The following MUC5AC variants were observed in gnomAD, a reference collection of about 807,000 sequenced individuals.
The protein encoded by MUC5AC is mucin-5AC.
MUC5AC carries 158 observed loss-of-function variants against 169.7 expected under a neutral mutation model. The ratio of observed to expected loss-of-function variants is 0.93; its 90% CI spans 0.82 to 1.06. The LOEUF is 1.06. Ranked by LOEUF, MUC5AC falls within the 50% of genes least tolerant of loss-of-function variation. MUC5AC has a pLI of 0.00. For synonymous variants in MUC5AC, 1,975 were observed against 1,237.0 expected, an observed-to-expected ratio of 1.60 and a Z score of -12.52; for missense variants, 4,359 against 3,089.9, an observed-to-expected ratio of 1.41 and a Z score of -9.74.
chr11:1,168,968 C>T lies in MUC5AC; in HGVS notation c.1812C>T (p.Ala604=), dbSNP rs76524014. Residue 604 remains alanine, a synonymous_variant, in exon 15 of 49, where the codon GCC becomes GCT. Transcript: ENST00000621226. ...AAFFNTFKTQ[A]ACPNIRNSFE... Reference sequence around the variant, plus strand: ...TCTTCAACACCTTCAAGACCCAGGCCGCCTGCCCCAACATCAGGAACAGCT... The same window carrying T: ...TCTTCAACACCTTCAAGACCCAGGCTGCCTGCCCCAACATCAGGAACAGCT... The T allele has an allele frequency of 4.1e-5, 66 of 1,610,846 alleles. No individual in the cohort carries two copies. The highest frequency in any genetic ancestry group is 1.6e-4 in the Middle Eastern group (1 of 6,074).
At chr11:1,180,199 C>T in intron 27 of MUC5AC, 49 bp downstream of exon 27, 1 of 398,332 alleles carries the variant, frequency 2.5e-6, no homozygotes, top group East Asian at 3.6e-5. Flanking sequence ...CGCCTGTGGC[C>T]TTCTCCTGGC....
intron 38 of MUC5AC, 21 bp downstream of exon 38, chr11:1,196,496 C>T (rs1294014236): frequency 1.3e-6 from 1 of 764,766 alleles, no homozygotes; most frequent in Admixed American, 1.7e-5. Flanking sequence ...TCCCTCCTGG[C>T]CCTGCCATGG....
intron 1 of MUC5AC, among the ~76,000 whole-genome samples, chr11:1,160,081 G>A (rs1215059297): frequency 2.0e-5 from 3 of 152,060 alleles, no homozygotes; most frequent in African/African-American, 4.8e-5. Flanking sequence ...GGGCTGTGCG[G>A]GGCTGGGCCG....
chr11:1,174,314 T>C (rs1860621759), intron 16 of MUC5AC, among the ~76,000 whole-genome samples, 182 bp from the exon 17 acceptor site: 1 of 152,256 alleles, frequency 6.6e-6, no homozygotes, highest in Non-Finnish European at 1.5e-5. Flanking sequence ...TTCTGCTCCA[T>C]GACATGCCAA....
chr11:1,192,119 C>T lies in MUC5AC; in HGVS notation c.13974C>T (p.Ile4658=), dbSNP rs1196128172. ...GGDKETYNNI[I]RSGEKICRRP... ...ACAAGGAAACCTACAACAACATCAT[C>T]AGGAGTGGGGAAAAAATCTGCCGCC... is the stretch of plus-strand genomic sequence containing the variant. Residue 4658 remains isoleucine (I), a synonymous_variant, in exon 31 of 49, where the codon ATC becomes ATT. Coordinates refer to ENST00000621226, the MANE Select transcript of MUC5AC (RefSeq NM_001304359.2). 1.3e-6 allele frequency: 1 copy of T among 765,070 alleles called. No individual in the cohort carries two copies. The highest frequency in any genetic ancestry group is 1.3e-5 in the South Asian group (1 of 74,626). 47.4% of individuals were successfully genotyped at this position (765,070 alleles called of 1,614,324 possible). A position where few individuals can be genotyped will look rare whatever the true frequency, so the allele number is the denominator to read the frequency against.
Position 1,186,104 on chromosome 11 carries a change from C to T in MUC5AC, c.7959C>T (p.Thr2653=), listed in dbSNP as rs1326688134. 1.6e-5 allele frequency: 12 copies of T among 749,060 alleles called. No homozygotes were observed. In the African/African-American group the frequency reaches 1.9e-4, roughly 12 times the overall value. 46.4% of individuals were successfully genotyped at this position (749,060 alleles called of 1,614,324 possible). A position where few individuals can be genotyped will look rare whatever the true frequency, so the allele number is the denominator to read the frequency against. The change falls in exon 31 of 49, where the codon ACC becomes ACT. Residue 2653 remains threonine, a synonymous_variant. Coordinates refer to ENST00000621226, the MANE Select transcript of MUC5AC (RefSeq NM_001304359.2). ...STTSASTTST[T]SGPGTTPSPV... is the part of the protein sequence containing the mutation. ...CCTCTGCTTCTACAACTAGCACAAC[C>T]TCTGGTCCTGGAACTACTCCCAGCC...
chr11:1,162,990 T>A lies in MUC5AC; in HGVS notation c.624T>A (p.Cys208Ter), dbSNP rs1564906118. 1.2e-6 allele frequency: 2 copies of A among 1,612,740 alleles called. No homozygotes were observed. The highest frequency in any genetic ancestry group is 1.7e-6 in the Non-Finnish European group (2 of 1,179,870). Reference protein sequence around the residue: ...ELDTKYANKTCGLCGDFNGMP... With the variant: ...ELDTKYANKT ...ACACCAAATACGCCAACAAGACCTG[T>A]GGGCTCTGTGGGGACTTCAACGGGA... is the stretch of plus-strand genomic sequence containing the variant. The change falls in exon 6 of 49, where the codon TGT (cysteine) becomes TGA (stop). Residue 208 changes from cysteine (C) to a stop codon, truncating the protein, a stop_gained. Transcript: ENST00000621226. LOFTEE classifies it high-confidence loss of function.
chr11:1,164,093 G>T lies in MUC5AC; in HGVS notation c.790-13G>T. 1 of 1,611,594 alleles carries T rather than the reference G, an allele frequency of 6.2e-7. No homozygotes were observed. ...CCACCGAGGACTCAGACGGGCTGTGGCCTTTGTCCTAGGGCATCTGTGAGG... is the reference window on the plus strand; with the variant it reads ...CCACCGAGGACTCAGACGGGCTGTGTCCTTTGTCCTAGGGCATCTGTGAGG... On this transcript the variant is annotated splice_polypyrimidine_tract_variant and intron_variant, in intron 7 of 48. Transcript: ENST00000621226.
At position 1,185,699 on chromosome 11, in the gene MUC5AC, T is replaced by A; in HGVS notation, c.7554T>A (p.Ser2518=). 4 of 744,048 alleles carry A rather than the reference T, an allele frequency of 5.4e-6. No homozygotes were observed. The South Asian group carries it at 5.6e-5, about 10-fold the overall frequency. The allele number at this position is 744,048 out of a possible 1,614,324, so 46.1% of individuals were successfully genotyped here. Residue 2518 remains serine (S), a synonymous_variant, in exon 31 of 49, where the codon TCT becomes TCA. Transcript: ENST00000621226. ...TTSAPTTSTT[S]ASTTSTTSGA... ...CTGCTCCTACAACCAGCACAACCTC[T>A]GCTTCTACAACCAGCACAACCTCTG...
intron 2 of MUC5AC, 106 bp from the exon 3 acceptor site, chr11:1,161,421 G>A (rs1281577227): frequency 1.3e-5 from 12 of 896,898 alleles, no homozygotes; most frequent in East Asian, 2.9e-5. Flanking sequence ...AGTTGGCTTC[G>A]GAGCCAGGAG....
rs1253652309 is a variant in MUC5AC at position 1,189,652 on chromosome 11, C to T, written c.11507C>T (p.Thr3836Ile). Reference protein sequence around the residue: ...SPTTSTTSAPTTSTTSAPTTS... With the variant: ...SPTTSTTSAPITSTTSAPTTS... ...ACAACTAGCACAACCTCAGCTCCTACAACCAGCACAACTTCTGCCCCTACA... is the reference window on the plus strand; with the variant it reads ...ACAACTAGCACAACCTCAGCTCCTATAACCAGCACAACTTCTGCCCCTACA... Residue 3836 changes from threonine (T) to isoleucine (I), a missense_variant, in exon 31 of 49, where the codon ACA becomes ATA. Coordinates refer to ENST00000621226, the MANE Select transcript of MUC5AC (RefSeq NM_001304359.2). 1.3e-5 allele frequency: 8 copies of T among 628,422 alleles called. No individual in the cohort carries two copies. In the African/African-American group the frequency reaches 1.3e-4, roughly 10 times the overall value. The allele number at this position is 628,422 out of a possible 1,614,324, so 38.9% of individuals were successfully genotyped here. A position where few individuals can be genotyped will look rare whatever the true frequency, so the allele number is the denominator to read the frequency against.
At position 1,162,536 on chromosome 11, in the gene MUC5AC, C is replaced by T. The variant is rs944572313; in HGVS notation, c.478C>T (p.Leu160=). The T allele has an allele frequency of 6.2e-7, 1 of 1,612,552 alleles. No individual in the cohort carries two copies. The highest frequency in any genetic ancestry group is 8.5e-7 in the Non-Finnish European group (1 of 1,179,778). The change falls in exon 5 of 49, where the codon CTG becomes TTG. Residue 160 remains leucine (L), a synonymous_variant. Coordinates refer to ENST00000621226, the MANE Select transcript of MUC5AC (RefSeq NM_001304359.2). Reference sequence around the variant, plus strand: ...CAGCCCTGCCTTCCTCCACAGGGTCCTGCTGCCCTTCAGCCAGTCTGGGGT... The same window carrying T: ...CAGCCCTGCCTTCCTCCACAGGGTCTTGCTGCCCTTCAGCCAGTCTGGGGT... The part of the protein sequence containing the change: ...GSVLVNGHPV[L]LPFSQSGVLI...
chr11:1,172,783 C>T (rs1177029014), intron 16 of MUC5AC, among the ~76,000 whole-genome samples: 3 of 151,404 alleles, frequency 2.0e-5, no homozygotes, highest in Non-Finnish European at 1.5e-5. Flanking sequence ...TTCACCCATT[C>T]ACTCACCCAC....
At position 1,190,101 on chromosome 11, in the gene MUC5AC, A is replaced by C. The variant is rs1348029332; in HGVS notation, c.11956A>C (p.Ser3986Arg). The C allele has an allele frequency of 2.6e-6, 2 of 762,068 alleles. No homozygotes were observed. Among genetic ancestry groups the C allele is most frequent in the African/African-American group, 3.4e-5 (2 of 59,024 alleles). The allele number at this position is 762,068 out of a possible 1,614,324, so 47.2% of individuals were successfully genotyped here. The change falls in exon 31 of 49, where the codon AGT (serine) becomes CGT (arginine). Residue 3986 changes from serine to arginine, a missense_variant. By Grantham distance (110) the Ser-to-Arg change is moderately radical. Coordinates refer to ENST00000621226, the MANE Select transcript of MUC5AC (RefSeq NM_001304359.2). ...GGAAACCTACAACAACATCATCAGG[A>C]GTGGGGAAAAAATCTGCCGCCGACC... is the stretch of plus-strand genomic sequence containing the variant. ...DKETYNNIIR[S>R]GEKICRRPEE...
At chr11:1,161,157 ACT>A (rs1254848727) in intron 2 of MUC5AC, among the ~76,000 whole-genome samples, 2 of 151,950 alleles carry the variant, frequency 1.3e-5, no homozygotes, top group Non-Finnish European at 2.9e-5. Context: ...CTTCAGGCAA[ACT>A]CTCAGATTGC....
rs994737926 is a variant in MUC5AC, at chr11:1,178,452, C to T, written c.3096C>T (p.Val1032=). Reference sequence around the variant, plus strand: ...TCCCGGTGCCTCTGCAGGGCAGGGTCTGCGGCCTGTGTGGGAACTTCGACG... The same window carrying T: ...TCCCGGTGCCTCTGCAGGGCAGGGTTTGCGGCCTGTGTGGGAACTTCGACG... ...INLSPEFKGR[V]CGLCGNFDDI... The change falls in exon 25 of 49, where the codon GTC becomes GTT. Residue 1032 remains valine, a synonymous_variant. Coordinates refer to ENST00000621226, the MANE Select transcript of MUC5AC (RefSeq NM_001304359.2). 1.1e-5 allele frequency: 8 copies of T among 717,100 alleles called. No individual in the cohort carries two copies. The African/African-American group carries it at 1.3e-4, about 12-fold the overall frequency. The allele number at this position is 717,100 out of a possible 1,614,324, so 44.4% of individuals were successfully genotyped here. A position where few individuals can be genotyped will look rare whatever the true frequency, so the allele number is the denominator to read the frequency against.
intron 11 of MUC5AC, 50 bp from the exon 12 acceptor site, chr11:1,167,827 G>A: frequency 6.7e-7 from 1 of 1,482,242 alleles, no homozygotes; most frequent in Non-Finnish European, 9.2e-7. Context: ...GGCCAGGTGG[G>A]CTGGGCGTTG....
Position 1,189,722 on chromosome 11 carries a change from T to G in MUC5AC, c.11577T>G (p.Pro3859=), listed in dbSNP as rs1366805761. The change falls in exon 31 of 49, where the codon CCT becomes CCG. Residue 3859 remains proline (P), a synonymous_variant. Transcript: ENST00000621226. ...CACAGACCAGCATATCCTCTGCCCC[T>G]ACAAGCAGCACAACCTCTGCTCCTA... ...STPQTSISSA[P]TSSTTSAPTA... is the part of the protein sequence containing the mutation. 32 of 643,394 alleles carry G rather than the reference T, an allele frequency of 5.0e-5. 1 individual carries two copies. Among genetic ancestry groups the G allele is most frequent in the East Asian group, 4.6e-4 (17 of 37,002 alleles). 39.9% of individuals were successfully genotyped at this position (643,394 alleles called of 1,614,324 possible).
Position 1,162,526 on chromosome 11 carries a change from C to T in MUC5AC, c.474-6C>T. 1 of 1,612,068 alleles carries T rather than the reference C, an allele frequency of 6.2e-7. No individual in the cohort carries two copies. Among genetic ancestry groups the T allele is most frequent in the African/African-American group, 1.3e-5 (1 of 75,036 alleles). On this transcript the variant is annotated splice_polypyrimidine_tract_variant and splice_region_variant and intron_variant, in intron 4 of 48. Coordinates refer to ENST00000621226, the MANE Select transcript of MUC5AC (RefSeq NM_001304359.2). ...CCCAGCCCCTCAGCCCTGCCTTCCT[C>T]CACAGGGTCCTGCTGCCCTTCAGCC...
Sources: gnomAD v4.1 joint callset for allele counts (sites outside exome capture counted in the v4.1 genomes callset) on GRCh38, gnomAD v4.1.1 for gene constraint, MANE v1.5 for transcripts, NCBI Gene and HGNC (gene_info 2026-07-23, HGNC 2026-07-21) for gene names.